TOP3A: variants seen among roughly 807,000 people sequenced by gnomAD.
TOP3A encodes the protein DNA topoisomerase III alpha.
Under a neutral mutation model 111.3 loss-of-function variants are expected in TOP3A, and 64 were observed. The observed-to-expected ratio is 0.57, with a 90% CI of 0.47 to 0.71. The LOEUF (loss-of-function observed/expected upper bound fraction) is 0.71. Among genes scored for constraint, TOP3A ranks in the 30% least tolerant of loss-of-function variants. The pLI is 0.00. For synonymous variants in TOP3A, 484 were observed against 485.1 expected, an observed-to-expected ratio of 1.00 and a Z score of 0.03; for missense variants, 1,104 against 1,285.0, an observed-to-expected ratio of 0.86 and a Z score of 2.15.
chr17:18,299,423 T>G (rs771972519), intron 9 of TOP3A, 136 bp downstream of exon 9: 183 of 790,034 alleles, frequency 2.3e-4, no homozygotes, highest in South Asian at 4.3e-4. Flanking sequence ...GGACCGTGTC[T>G]TTCTCCAGTG....
chr17:18,295,468 T>A (rs952352751), intron 9 of TOP3A, among the ~76,000 whole-genome samples: 3 of 150,246 alleles, frequency 2.0e-5, no homozygotes, highest in African/African-American at 4.9e-5. Context: ...ATTTTAAAAA[T>A]TTTTTTATTT....
At chr17:18,314,311 G>C (rs967167072) in intron 1 of TOP3A, among the ~76,000 whole-genome samples, 1 of 152,204 alleles carries the variant, frequency 6.6e-6, no homozygotes, top group African/African-American at 2.4e-5. Flanking sequence ...GACCCGAAGG[G>C]CAGCCAGCGC....
At chr17:18,275,573 A>G (rs1204801278) in intron 18 of TOP3A, among the ~76,000 whole-genome samples, 1 of 151,526 alleles carries the variant, frequency 6.6e-6, no homozygotes, top group Non-Finnish European at 1.5e-5. Flanking sequence ...CATGTTAGCC[A>G]GGATGGTCTC....
rs1022849295 is a variant in TOP3A, at chr17:18,272,645, G to A, written c.*2157C>T. 3.3e-5 allele frequency among the ~76,000 whole-genome samples: 5 copies of A among 152,022 alleles called. No individual in the cohort carries two copies. Among genetic ancestry groups the A allele is most frequent in the Admixed American group, 6.6e-5 (1 of 15,254 alleles). On this transcript the variant is annotated 3_prime_UTR_variant, in exon 19 of 19. Coordinates refer to ENST00000321105, the MANE Select transcript of TOP3A (RefSeq NM_004618.5). ...GATGAGCCTGACAAACATCAGCCAA[G>A]TCAAAGAAACCAGACACAGGATGTC...
intron 4 of TOP3A, among the ~76,000 whole-genome samples, 173 bp from the exon 5 acceptor site, chr17:18,305,393 C>T (rs564567679): frequency 6.6e-6 from 1 of 152,224 alleles, no homozygotes; most frequent in East Asian, 1.9e-4. Context: ...CATGATACAA[C>T]CCCTTAGAAC....
intron 13 of TOP3A, among the ~76,000 whole-genome samples, chr17:18,288,975 C>T (rs1980297689): frequency 1.3e-5 from 2 of 152,180 alleles, no homozygotes; most frequent in Admixed American, 6.6e-5. Flanking sequence ...GATCCTCCCA[C>T]CTCAGCCTCC....
At position 18,299,288 on chromosome 17, in the gene TOP3A, G is replaced by A. The variant is rs114277790; in HGVS notation, c.990+271C>T. On this transcript the variant is annotated intron_variant, in intron 9 of 18. Coordinates refer to ENST00000321105, the MANE Select transcript of TOP3A (RefSeq NM_004618.5). ...CAAAAAATTTTAAAAATAATTAGCTGGTCATAGTGGTACATGACTATAGTC... is the reference window on the plus strand; with the variant it reads ...CAAAAAATTTTAAAAATAATTAGCTAGTCATAGTGGTACATGACTATAGTC... 5.2e-3 allele frequency among the ~76,000 whole-genome samples: 788 copies of A among 152,022 alleles called. 5 individuals are homozygous for A. Among genetic ancestry groups the A allele is most frequent in the Middle Eastern group, 0.017 (5 of 294 alleles).
chr17:18,287,716 C>T (rs1053393149), intron 13 of TOP3A, among the ~76,000 whole-genome samples: 1 of 151,338 alleles, frequency 6.6e-6, no homozygotes, highest in African/African-American at 2.4e-5. Flanking sequence ...TTTTAGGGGC[C>T]GGGCATGGTG....
rs989365598 is a variant in TOP3A at position 18,274,642 on chromosome 17, T to G, written c.*160A>C. 7 of 1,262,412 alleles carry G rather than the reference T, an allele frequency of 5.5e-6. No individual in the cohort carries two copies. The highest frequency in any genetic ancestry group is 7.5e-6 in the Non-Finnish European group (7 of 938,442). The allele number at this position is 1,262,412 out of a possible 1,614,324, so 78.2% of individuals were successfully genotyped here. On this transcript the variant is annotated 3_prime_UTR_variant, in exon 19 of 19. Transcript: ENST00000321105. ...AGAGCTGGCCTGCTCCAGAGTGATC[T>G]GGACCTTGTGCCCCTTAACACAAGA... is the stretch of plus-strand genomic sequence containing the variant.
chr17:18,298,463 C>T (rs1358981168), intron 9 of TOP3A, among the ~76,000 whole-genome samples: 5 of 148,750 alleles, frequency 3.4e-5, no homozygotes, highest in Admixed American at 6.6e-5. Flanking sequence ...CCAGCCGCCC[C>T]GTCCGGGAGG....
intron 8 of TOP3A, among the ~76,000 whole-genome samples, chr17:18,300,172 C>T (rs1215617071): frequency 1.3e-4 from 11 of 83,850 alleles, no homozygotes; most frequent in South Asian, 3.0e-4. Flanking sequence ...CCGAGGCGGG[C>T]GGATTACAAG....
At chr17:18,300,749 T>G (rs148768780) in intron 8 of TOP3A, among the ~76,000 whole-genome samples, 98 of 152,160 alleles carry the variant, frequency 6.4e-4, no homozygotes, top group African/African-American at 2.3e-3. Context: ...AGATGGGGTT[T>G]CACTATGAAA....
chr17:18,275,271 GCAA>G (rs1017653634), intron 18 of TOP3A, among the ~76,000 whole-genome samples: 2 of 134,610 alleles, frequency 1.5e-5, no homozygotes, highest in African/African-American at 6.1e-5. Context: ...TCCAGCCTGG[GCAA>G]CAGAGCAAGA....
At chr17:18,287,215 T>C (rs538660524) in intron 13 of TOP3A, among the ~76,000 whole-genome samples, 3 of 152,142 alleles carry the variant, frequency 2.0e-5, no homozygotes, top group Admixed American at 6.5e-5. Context: ...CTAGGCAACA[T>C]AGCAAGACCC....
Position 18,278,269 on chromosome 17 carries a change from T to C in TOP3A, c.2233A>G (p.Arg745Gly). 1 of 1,546,442 alleles carries C rather than the reference T, an allele frequency of 6.5e-7. No homozygotes were observed. Among genetic ancestry groups the C allele is most frequent in the Admixed American group, 2.0e-5 (1 of 50,010 alleles). Residue 745 changes from arginine to glycine, a missense_variant, in exon 18 of 19, where the codon AGG becomes GGG. By Grantham distance (125) the Arg-to-Gly change is moderately radical. Transcript: ENST00000321105. ...CCIGGCDDTL[R>G]EILDLRFSGG... The stretch of plus-strand genomic sequence containing the variant: ...GAAAATCTCAGGTCCAGGATCTCCC[T>C]CAGGGTGTCGTCGCATCCGCCGATG...
intron 8 of TOP3A, 137 bp from the exon 9 acceptor site, chr17:18,299,770 T>C (rs1045981478): frequency 7.9e-6 from 6 of 764,068 alleles, no homozygotes; most frequent in African/African-American, 1.7e-5. Context: ...CCTAGAAGAG[T>C]GCCCCACTTA....
intron 18 of TOP3A, among the ~76,000 whole-genome samples, chr17:18,275,633 A>G (rs934934479): frequency 1.3e-5 from 2 of 150,100 alleles, no homozygotes; most frequent in East Asian, 2.0e-4. Context: ...AAGTGCTGGG[A>G]TTACAGGCGT....
intron 1 of TOP3A, among the ~76,000 whole-genome samples, chr17:18,313,936 C>T (rs568131798): frequency 6.6e-6 from 1 of 152,334 alleles, no homozygotes; most frequent in Non-Finnish European, 1.5e-5. Flanking sequence ...TTATGTCTCC[C>T]GTGGCACCTC....
chr17:18,290,870 A>G lies in TOP3A; in HGVS notation c.1439T>C (p.Val480Ala), dbSNP rs1226891194. 1.2e-6 allele frequency: 2 copies of G among 1,614,098 alleles called. No individual in the cohort carries two copies. Among genetic ancestry groups the G allele is most frequent in the African/African-American group, 2.7e-5 (2 of 74,922 alleles). ...GTCACTCCAGTGATCATATGGATAC[A>G]CATCCAGATAGTTTCGGGCCAGAAT... ...LMILARNYLD[V>A]YPYDHWSDKI... Residue 480 changes from valine to alanine, a missense_variant, in exon 12 of 19, where the codon GTG becomes GCG. Transcript: ENST00000321105.
Sources: gnomAD v4.1 joint callset for allele counts (sites outside exome capture counted in the v4.1 genomes callset) on GRCh38, gnomAD v4.1.1 for gene constraint, MANE v1.5 for transcripts, NCBI Gene and HGNC (gene_info 2026-07-23, HGNC 2026-07-21) for gene names.